The following COL4A3 variants were observed in gnomAD, a reference collection of about 807,000 sequenced individuals.
COL4A3 encodes collagen alpha-3(IV) chain.
Under a neutral mutation model 217.4 loss-of-function variants are expected in COL4A3, and 135 were observed. The ratio of observed to expected loss-of-function variants is 0.62; its 90% confidence interval spans 0.54 to 0.72. The LOEUF (loss-of-function observed/expected upper bound fraction) is 0.72. Ranked by LOEUF, COL4A3 falls within the 30% of genes least tolerant of loss-of-function variation. The pLI is 0.00. For missense variants in COL4A3, 1,868 were observed against 2,119.9 expected (o/e 0.88, Z 2.33); for synonymous variants, 690 against 736.3 (o/e 0.94, Z 1.02).
intron 1 of COL4A3, among the ~76,000 whole-genome samples, chr2:227,226,471 G>GT (rs1553745378): frequency 8.9e-6 from 1 of 111,910 alleles, no homozygotes; most frequent in African/African-American, 3.4e-5. Flanking sequence ...CTAATGTTAG[G>GT]TTTGTTTTTT....
rs77964815 is a variant in COL4A3 at position 227,308,920 on chromosome 2, A to G, written c.4484A>G (p.Gln1495Arg). Reference protein sequence around the residue: ...QDLGTLGSCLQRFTTMPFLFC... With the variant: ...QDLGTLGSCLRRFTTMPFLFC... Reference sequence around the variant, plus strand: ...TTAGGAACTCTTGGCAGCTGCCTGCAGCGATTTACCACAATGCCATTCTTA... The same window carrying G: ...TTAGGAACTCTTGGCAGCTGCCTGCGGCGATTTACCACAATGCCATTCTTA... The change falls in exon 49 of 52, where the codon CAG becomes CGG. Residue 1495 changes from glutamine (Q) to arginine (R), a missense_variant. Coordinates refer to ENST00000396578, the MANE Select transcript of COL4A3 (RefSeq NM_000091.5). 9.2e-3 allele frequency: 14,772 copies of G among 1,614,128 alleles called. 82 individuals are homozygous for G. The highest frequency in any genetic ancestry group is 0.011 in the Non-Finnish European group (13,407 of 1,180,030).
chr2:227,273,517 G>A (rs1006333585), intron 26 of COL4A3, among the ~76,000 whole-genome samples: 1 of 152,116 alleles, frequency 6.6e-6, no homozygotes, highest in Admixed American at 6.5e-5. Context: ...AGATCCTCCT[G>A]CCTGGTCTCC....
chr2:227,188,127 G>C (rs948235108), intron 1 of COL4A3, among the ~76,000 whole-genome samples: 1 of 151,980 alleles, frequency 6.6e-6, no homozygotes, highest in Non-Finnish European at 1.5e-5. Flanking sequence ...GATATTTTCT[G>C]ATTGTTCTAC....
intron 7 of COL4A3, 68 bp downstream of exon 7, chr2:227,246,806 G>GAAAAAAAA: frequency 6.2e-6 from 8 of 1,297,600 alleles, no homozygotes; most frequent in Non-Finnish European, 9.0e-6. Flanking sequence ...ACTCCATATG[G>GAAAAAAAA]CCATATACAC....
intron 1 of COL4A3, among the ~76,000 whole-genome samples, chr2:227,169,539 C>T (rs1190462783): frequency 6.6e-6 from 1 of 151,962 alleles, no homozygotes; most frequent in East Asian, 1.9e-4. Flanking sequence ...TCTCCACATC[C>T]TCTCCAGCAC....
chr2:227,246,398 C>T (rs929070360), intron 6 of COL4A3: 18 of 519,854 alleles, frequency 3.5e-5, no homozygotes, highest in Non-Finnish European at 5.9e-5. Context: ...GAATGGTGGC[C>T]ATGAATGAAC....
chr2:227,274,560 G>A (rs957143614), intron 26 of COL4A3, among the ~76,000 whole-genome samples: 17 of 151,384 alleles, frequency 1.1e-4, no homozygotes, highest in African/African-American at 3.1e-4. Context: ...GAGCAATGGC[G>A]CAATCTTGGC....
chr2:227,200,415 C>A (rs911649875), intron 1 of COL4A3, among the ~76,000 whole-genome samples: 1 of 152,182 alleles, frequency 6.6e-6, no homozygotes, highest in Non-Finnish European at 1.5e-5. Flanking sequence ...ATTATTGGCT[C>A]TCATCTCACT....
At position 227,281,020 on chromosome 2, in the gene COL4A3, C is replaced by T; in HGVS notation, c.2488+14C>T. 6.6e-7 allele frequency: 1 copy of T among 1,520,704 alleles called. No individual in the cohort carries two copies. Among genetic ancestry groups the T allele is most frequent in the Non-Finnish European group, 8.9e-7 (1 of 1,118,354 alleles). The allele number at this position is 1,520,704 out of a possible 1,614,324, so 94.2% of individuals were successfully genotyped here. A position where few individuals can be genotyped will look rare whatever the true frequency, so the allele number is the denominator to read the frequency against. On this transcript the variant is annotated intron_variant, in intron 31 of 51. Coordinates refer to ENST00000396578, the MANE Select transcript of COL4A3 (RefSeq NM_000091.5). ...AAGGGCAACAAGGTAGGAGGAGGGC[C>T]TCAAAACTGGCCACCAGAAGGGCAG... is the stretch of plus-strand genomic sequence containing the variant.
At chr2:227,204,193 T>A (rs1048253606) in intron 1 of COL4A3, among the ~76,000 whole-genome samples, 1 of 152,290 alleles carries the variant, frequency 6.6e-6, no homozygotes, top group African/African-American at 2.4e-5. Flanking sequence ...AATTACCTAG[T>A]CTTTCTGTGC....
chr2:227,226,115 G>A (rs1316026086), intron 1 of COL4A3, among the ~76,000 whole-genome samples: 1 of 152,126 alleles, frequency 6.6e-6, no homozygotes, highest in Non-Finnish European at 1.5e-5. Context: ...GGTTTGGGGG[G>A]TGGGTGATTG....
chr2:227,281,917 C>CACGCATGCGT (rs1333949812), intron 31 of COL4A3: 1 of 152,588 alleles, frequency 6.6e-6, no homozygotes, highest in Non-Finnish European at 1.5e-5. Context: ...CACACATGCG[C>CACGCATGCGT]ACGCATGCGT....
intron 8 of COL4A3, among the ~76,000 whole-genome samples, chr2:227,248,068 T>C (rs2069457843): frequency 6.6e-6 from 1 of 152,164 alleles, no homozygotes; most frequent in Admixed American, 6.5e-5. Context: ...GTCTCCCAAG[T>C]AACTGGGATT....
chr2:227,176,119 G>A (rs1308349792), intron 1 of COL4A3, among the ~76,000 whole-genome samples: 1 of 152,080 alleles, frequency 6.6e-6, no homozygotes, highest in Non-Finnish European at 1.5e-5. Flanking sequence ...GAAGAGGAGG[G>A]GAAGAGAACC....
At chr2:227,211,846 C>T (rs1000382955) in intron 1 of COL4A3, among the ~76,000 whole-genome samples, 10 of 152,050 alleles carry the variant, frequency 6.6e-5, no homozygotes, top group South Asian at 6.2e-4. Context: ...TTAGTAGAGA[C>T]GGGGTTTCAC....
intron 38 of COL4A3, chr2:227,294,246 C>T (rs1018118522): frequency 1.4e-5 from 7 of 496,328 alleles, no homozygotes; most frequent in Admixed American, 1.1e-4. Flanking sequence ...AAAATAAAAT[C>T]GCATATTGAG....
chr2:227,245,852 C>A, intron 5 of COL4A3, 102 bp from the exon 6 acceptor site: 1 of 875,032 alleles, frequency 1.1e-6, no homozygotes, highest in Non-Finnish European at 2.0e-6. Context: ...TTTAAACAAT[C>A]ATTTATATTT....
At chr2:227,184,406 A>G (rs1160968605) in intron 1 of COL4A3, among the ~76,000 whole-genome samples, 1 of 152,224 alleles carries the variant, frequency 6.6e-6, no homozygotes, top group African/African-American at 2.4e-5. Context: ...TCAGTCTCTA[A>G]AAGAAATGAT....
intron 49 of COL4A3, 35 bp from the exon 50 acceptor site, chr2:227,309,168 TG>T: frequency 6.2e-7 from 1 of 1,611,580 alleles, no homozygotes. Flanking sequence ...GTGCAGAAAG[TG>T]GCAATGCCGC....
Sources: allele counts gnomAD v4.1 joint callset (sites outside exome capture counted in the v4.1 genomes callset), GRCh38; gene constraint gnomAD v4.1.1; transcripts MANE v1.5; gene names NCBI Gene and HGNC (gene_info 2026-07-23, HGNC 2026-07-21).